PRKG1: variants seen among roughly 807,000 people sequenced by gnomAD.
PRKG1 encodes protein kinase cGMP-dependent 1.
In PRKG1, 35 loss-of-function variants were observed where a neutral mutation model predicts 88.1. The ratio of observed to expected loss-of-function variants is 0.40; its 90% CI spans 0.30 to 0.53. The LOEUF (loss-of-function observed/expected upper bound fraction) is 0.53. Ranked by LOEUF, PRKG1 falls within the 20% of genes least tolerant of loss-of-function variation. The pLI is 0.59. For missense variants in PRKG1, 540 were observed against 839.8 expected (o/e 0.64, Z 4.41); for synonymous variants, 303 against 292.5 (o/e 1.04, Z -0.37).
intron 5 of PRKG1, among the ~76,000 whole-genome samples, chr10:52,014,804 C>A (rs2133178138): frequency 6.6e-6 from 1 of 152,320 alleles, no homozygotes; most frequent in East Asian, 1.9e-4. Flanking sequence ...CCACAGGCCC[C>A]ATGTAAGTCT....
rs144005345 is a variant in PRKG1, at chr10:51,124,395, G to T, written c.312-28769G>T. Among the ~76,000 whole-genome samples the T allele has an allele frequency of 2.1e-3, 312 of 152,194 alleles. 2 individuals carry two copies. Among genetic ancestry groups the T allele is most frequent in the African/African-American group, 7.3e-3 (302 of 41,532 alleles). Reference sequence around the variant, plus strand: ...TGGGGGTGTGGAGTGGGAGGATGGAGAGGGTCTTTTTCTTTCCCTTTCACC... The same window carrying T: ...TGGGGGTGTGGAGTGGGAGGATGGATAGGGTCTTTTTCTTTCCCTTTCACC... On this transcript the variant is annotated intron_variant, in intron 1 of 17. Coordinates refer to ENST00000373980, the MANE Select transcript of PRKG1 (RefSeq NM_006258.4).
upstream of PRKG1, among the ~76,000 whole-genome samples, chr10:51,072,963 T>C (rs1843853928): frequency 6.6e-6 from 1 of 152,224 alleles, no homozygotes; most frequent in Non-Finnish European, 1.5e-5. Context: ...TTATTTTCTG[T>C]CCACTTTGTT....
At chr10:51,547,981 C>T (rs1340120828) in intron 3 of PRKG1, among the ~76,000 whole-genome samples, 1 of 151,908 alleles carries the variant, frequency 6.6e-6, no homozygotes, top group Non-Finnish European at 1.5e-5. Flanking sequence ...TTATAATTTC[C>T]CAGACCAAAA....
rs1847184937 is a variant in PRKG1 at position 52,096,848 on chromosome 10, A to G, written c.935+34217A>G. 2.0e-5 allele frequency among the ~76,000 whole-genome samples: 3 copies of G among 152,170 alleles called. No homozygotes were observed. In the South Asian group the frequency reaches 6.2e-4, roughly 31 times the overall value. On this transcript the variant is annotated intron_variant, in intron 7 of 17. Coordinates refer to ENST00000373980, the MANE Select transcript of PRKG1 (RefSeq NM_006258.4). Reference sequence around the variant, plus strand: ...CCTAGGAAGGCAAATTGGATTTATTATGGATTCTACTACAATGTAATATTG... The same window carrying G: ...CCTAGGAAGGCAAATTGGATTTATTGTGGATTCTACTACAATGTAATATTG...
At chr10:51,116,436 T>C (rs986915146) in intron 1 of PRKG1, among the ~76,000 whole-genome samples, 3 of 152,132 alleles carry the variant, frequency 2.0e-5, no homozygotes, top group African/African-American at 7.2e-5. Context: ...ATGAAGGACA[T>C]GGACTAATCC....
Position 52,017,603 on chromosome 10 carries a change from A to T in PRKG1, c.763-36881A>T, listed in dbSNP as rs142224360. 7.2e-5 allele frequency among the ~76,000 whole-genome samples: 11 copies of T among 152,278 alleles called. No homozygotes were observed. In the East Asian group the frequency reaches 2.1e-3, roughly 29 times the overall value. Reference sequence around the variant, plus strand: ...GAGGGGAAGATAGGAGCAGAAGTAGAATTTGATGGGATATAGATAAAAAGT... The same window carrying T: ...GAGGGGAAGATAGGAGCAGAAGTAGTATTTGATGGGATATAGATAAAAAGT... On this transcript the variant is annotated intron_variant, in intron 5 of 17. Coordinates refer to ENST00000373980, the MANE Select transcript of PRKG1 (RefSeq NM_006258.4).
At chr10:52,000,828 G>A (rs944917144) in intron 5 of PRKG1, among the ~76,000 whole-genome samples, 1 of 151,964 alleles carries the variant, frequency 6.6e-6, no homozygotes, top group Admixed American at 6.6e-5. Context: ...TTGTCTTCCA[G>A]CTACTAATCA....
intron 5 of PRKG1, among the ~76,000 whole-genome samples, chr10:51,988,859 A>G (rs1350135857): frequency 6.6e-6 from 1 of 152,072 alleles, no homozygotes; most frequent in Non-Finnish European, 1.5e-5. Flanking sequence ...AGTTTTTAAA[A>G]TGCTAGTTTA....
intron 3 of PRKG1, among the ~76,000 whole-genome samples, chr10:51,599,374 A>G (rs1838539700): frequency 6.6e-6 from 1 of 152,210 alleles, no homozygotes; most frequent in South Asian, 2.1e-4. Context: ...CTATAGTGCC[A>G]AACATAAGAA....
intron 1 of PRKG1, among the ~76,000 whole-genome samples, chr10:51,014,777 A>G (rs1351867823): frequency 2.6e-5 from 4 of 152,218 alleles, no homozygotes; most frequent in Admixed American, 1.3e-4. Flanking sequence ...AATTTTTTAA[A>G]GAAATTTTAG....
intron 7 of PRKG1, among the ~76,000 whole-genome samples, chr10:52,089,503 T>A (rs1312125745): frequency 6.6e-6 from 1 of 152,148 alleles, no homozygotes; most frequent in Non-Finnish European, 1.5e-5. Context: ...TTATCTTATA[T>A]ACATGTGCTA....
Position 51,012,501 on chromosome 10 carries a change from A to G in PRKG1, c.266+20857A>G, listed in dbSNP as rs115911698. Among the ~76,000 whole-genome samples, 335 of 152,340 alleles carry G rather than the reference A, an allele frequency of 2.2e-3. 1 individual carries two copies. The highest frequency in any genetic ancestry group is 7.9e-3 in the African/African-American group (327 of 41,588). On this transcript the variant is annotated intron_variant, in intron 1 of 17. Transcript: ENST00000401604. ...GTCTACCTCCCTTCCAAGACCATCC[A>G]TTCCAACCACCCATGGGCATACAAT...
intron 1 of PRKG1, among the ~76,000 whole-genome samples, chr10:51,121,746 A>C (rs1845265402): frequency 6.6e-6 from 1 of 152,158 alleles, no homozygotes; most frequent in Non-Finnish European, 1.5e-5. Context: ...TATCTATTTG[A>C]AAATGTCATA....
At chr10:51,412,645 A>G (rs1455004244) in intron 2 of PRKG1, among the ~76,000 whole-genome samples, 1 of 152,170 alleles carries the variant, frequency 6.6e-6, no homozygotes, top group Non-Finnish European at 1.5e-5. Context: ...CTCTGTCTCA[A>G]ACAATAAATA....
chr10:51,035,234 G>A (rs1843338730), intron 1 of PRKG1, among the ~76,000 whole-genome samples: 1 of 152,114 alleles, frequency 6.6e-6, no homozygotes, highest in Admixed American at 6.6e-5. Flanking sequence ...TAATAATGCT[G>A]TTTAATTCAT....
At chr10:51,121,445 A>C (rs889924184) in intron 1 of PRKG1, among the ~76,000 whole-genome samples, 6 of 152,146 alleles carry the variant, frequency 3.9e-5, no homozygotes. Flanking sequence ...TTCGGGACAC[A>C]TTCAAACTAT....
chr10:52,274,189 T>C (rs1240369733), intron 12 of PRKG1, among the ~76,000 whole-genome samples: 7 of 152,276 alleles, frequency 4.6e-5, no homozygotes, highest in African/African-American at 1.7e-4. Context: ...GTAAGTTCTT[T>C]AGTGGTGATT....
chr10:51,780,650 A>C (rs996193983), intron 3 of PRKG1, among the ~76,000 whole-genome samples: 1 of 152,138 alleles, frequency 6.6e-6, no homozygotes, highest in African/African-American at 2.4e-5. Context: ...CAGTTCCTCA[A>C]ATTAATCCAT....
chr10:51,624,664 A>T (rs1013219583), intron 3 of PRKG1, among the ~76,000 whole-genome samples: 50 of 152,222 alleles, frequency 3.3e-4, no homozygotes, highest in African/African-American at 1.2e-3. Flanking sequence ...GGCCACAGAG[A>T]TGTTTTTCAC....
Sources: gnomAD v4.1 joint callset for allele counts (sites outside exome capture counted in the v4.1 genomes callset) on GRCh38, gnomAD v4.1.1 for gene constraint, MANE v1.5 for transcripts, NCBI Gene and HGNC (gene_info 2026-07-23, HGNC 2026-07-21) for gene names.